Variants in TMIGD3 observed in about 807,000 individuals in gnomAD.
TMIGD3 encodes AD026 protein (AD026).
Under a neutral mutation model 28.1 loss-of-function variants are expected in TMIGD3, and 21 were observed. The ratio of observed to expected loss-of-function variants is 0.75; its 90% CI spans 0.53 to 1.08. The LOEUF (loss-of-function observed/expected upper bound fraction) is 1.08. Ranked by LOEUF, TMIGD3 falls within the 50% of genes least tolerant of loss-of-function variation. The pLI, the probability that TMIGD3 is intolerant of heterozygous loss-of-function variation, is 0.00. For missense variants in TMIGD3, 416 were observed against 435.6 expected (o/e 0.96, Z 0.40); for synonymous variants, 151 against 162.1 (o/e 0.93, Z 0.52).
At chr1:111,534,069 C>G (rs147450253) in intron 1 of TMIGD3, among the ~76,000 whole-genome samples, 143 of 152,128 alleles carry the variant, frequency 9.4e-4, no homozygotes, top group Middle Eastern at 3.4e-3. Flanking sequence ...AATAATGCCT[C>G]TATATAATAA....
At chr1:111,521,220 G>T (rs1024420263) in intron 1 of TMIGD3, among the ~76,000 whole-genome samples, 2 of 152,038 alleles carry the variant, frequency 1.3e-5, no homozygotes, top group Non-Finnish European at 2.9e-5. Flanking sequence ...TTCCAGTTTG[G>T]GACTATTACA....
chr1:111,498,077 A>G (rs970979750), intron 1 of TMIGD3, among the ~76,000 whole-genome samples: 1 of 152,206 alleles, frequency 6.6e-6, no homozygotes, highest in African/African-American at 2.4e-5. Context: ...GGAAACACCT[A>G]GAATTCTTGA....
intron 1 of TMIGD3, among the ~76,000 whole-genome samples, chr1:111,549,817 C>A (rs1657189740): frequency 6.6e-6 from 1 of 151,982 alleles, no homozygotes; most frequent in East Asian, 1.9e-4. Context: ...CTCAGCTAAT[C>A]TTTTTTAAAT....
chr1:111,530,205 A>G (rs555638451), intron 1 of TMIGD3, among the ~76,000 whole-genome samples: 121 of 152,324 alleles, frequency 7.9e-4, no homozygotes, highest in African/African-American at 2.8e-3. Context: ...CTACCCTCAA[A>G]TAATATTATA....
chr1:111,541,896 T>C (rs1035999382), intron 1 of TMIGD3, among the ~76,000 whole-genome samples: 2 of 151,870 alleles, frequency 1.3e-5, no homozygotes, highest in Non-Finnish European at 2.9e-5. Context: ...ATGGCAGAGG[T>C]TGAGAAAGTC....
At chr1:111,503,781 G>C (rs1056080027), upstream of TMIGD3, 2 of 1,016,518 alleles carry the variant, frequency 2.0e-6, no homozygotes, top group Non-Finnish European at 2.4e-6. Flanking sequence ...AGGAAGTACA[G>C]AGCTCAGAAC....
At chr1:111,552,944 T>C (rs1657328815) in intron 1 of TMIGD3, among the ~76,000 whole-genome samples, 1 of 152,238 alleles carries the variant, frequency 6.6e-6, no homozygotes, top group Non-Finnish European at 1.5e-5. Flanking sequence ...TAAAGCTAAA[T>C]TTATTAAGAT....
At chr1:111,540,822 G>C (rs554374208) in intron 1 of TMIGD3, among the ~76,000 whole-genome samples, 50 of 152,274 alleles carry the variant, frequency 3.3e-4, no homozygotes, top group African/African-American at 1.2e-3. Context: ...ACAGGTTCCA[G>C]GTTACTTGGA....
At chr1:111,489,874 G>A (rs991457169) in intron 2 of TMIGD3, 3 of 514,746 alleles carry the variant, frequency 5.8e-6, no homozygotes, top group Non-Finnish European at 7.5e-6. Flanking sequence ...AGGAAGTCAC[G>A]CACACCATGT....
chr1:111,499,262 A>G (rs1002229836), intron 1 of TMIGD3, among the ~76,000 whole-genome samples: 2 of 152,184 alleles, frequency 1.3e-5, no homozygotes, highest in Non-Finnish European at 2.9e-5. Context: ...CATAAAGCTG[A>G]CAAATGCTCT....
chr1:111,511,119 G>T (rs953681833), intron 1 of TMIGD3, among the ~76,000 whole-genome samples: 4 of 152,170 alleles, frequency 2.6e-5, no homozygotes, highest in African/African-American at 4.8e-5. Flanking sequence ...AGGCTGAGTT[G>T]ATGGCTTCTT....
rs1657844541 is a variant in TMIGD3 at position 111,563,875 on chromosome 1, C to T, written c.78G>A (p.Trp26Ter). The T allele has an allele frequency of 1.2e-6, 2 of 1,613,462 alleles. No homozygotes were observed. Among genetic ancestry groups the T allele is most frequent in the African/African-American group, 2.7e-5 (2 of 74,922 alleles). The change falls in exon 1 of 6, where the codon TGG (tryptophan) becomes TGA (stop). Residue 26 changes from tryptophan (W) to a stop codon, truncating the protein, a stop_gained. Transcript: ENST00000369717. LOFTEE classifies it high-confidence loss of function. The stretch of plus-strand genomic sequence containing the variant: ...ACTCAGGACTCAAGCAGCCCAGTGT[C>T]CAGTCTGGCTGCTCTTCCCAGGAGC...
chr1:111,490,063 A>G (rs1336277302), intron 2 of TMIGD3, among the ~76,000 whole-genome samples: 1 of 152,200 alleles, frequency 6.6e-6, no homozygotes, highest in East Asian at 1.9e-4. Flanking sequence ...TCTTCAGTTT[A>G]TAAGTATGAA....
Position 111,499,129 on chromosome 1 carries a change from G to T in TMIGD3, c.350+3876C>A, listed in dbSNP as rs199953891. Among the ~76,000 whole-genome samples, 3 of 150,090 alleles carry T rather than the reference G, an allele frequency of 2.0e-5. No homozygotes were observed. In the East Asian group the frequency reaches 5.9e-4, roughly 29 times the overall value. On this transcript the variant is annotated intron_variant, in intron 1 of 5. Transcript: ENST00000369716. Reference sequence around the variant, plus strand: ...AAAAAAAGAAAGAAACAAAAGAAAAGAAAAGGGCTCAACAAATAATAGCTA... The same window carrying T: ...AAAAAAAGAAAGAAACAAAAGAAAATAAAAGGGCTCAACAAATAATAGCTA...
intron 1 of TMIGD3, among the ~76,000 whole-genome samples, chr1:111,537,168 C>T (rs538601228): frequency 7.2e-5 from 11 of 152,216 alleles, no homozygotes; most frequent in Non-Finnish European, 1.5e-4. Flanking sequence ...TCTAAAAAGT[C>T]CCTCTTCCCC....
intron 1 of TMIGD3, among the ~76,000 whole-genome samples, chr1:111,539,618 A>G (rs1656751247): frequency 6.6e-6 from 1 of 152,162 alleles, no homozygotes; most frequent in East Asian, 1.9e-4. Context: ...TTTTACCACA[A>G]TTAAAAAACA....
At chr1:111,507,967 T>G (rs1655567805), upstream of TMIGD3, among the ~76,000 whole-genome samples, 1 of 152,216 alleles carries the variant, frequency 6.6e-6, no homozygotes, top group South Asian at 2.1e-4. Flanking sequence ...CTGGAGCCTC[T>G]GTCCACACGG....
At chr1:111,549,876 C>T (rs547358745) in intron 1 of TMIGD3, among the ~76,000 whole-genome samples, 2 of 152,076 alleles carry the variant, frequency 1.3e-5, no homozygotes, top group Non-Finnish European at 2.9e-5. Context: ...TGGCCTTAAA[C>T]TCCTAGCCTC....
chr1:111,548,107 A>G (rs1028460549), intron 1 of TMIGD3, among the ~76,000 whole-genome samples: 2 of 152,166 alleles, frequency 1.3e-5, no homozygotes, highest in South Asian at 2.1e-4. Context: ...TGCAACCTCC[A>G]CCTCCTGGGT....
Sources: allele counts gnomAD v4.1 joint callset (sites outside exome capture counted in the v4.1 genomes callset), GRCh38; gene constraint gnomAD v4.1.1; transcripts MANE v1.5; gene names NCBI Gene and HGNC (gene_info 2026-07-23, HGNC 2026-07-21).